Variants in RBM38 observed in about 807,000 individuals in gnomAD.
RBM38 encodes the protein RNA-binding protein 38.
RBM38 carries 11 observed loss-of-function variants against 23.5 expected under a neutral mutation model. The observed-to-expected ratio is 0.47, with a 90% CI of 0.29 to 0.77. RBM38 has a LOEUF of 0.77. RBM38 is among the 30% of genes least tolerant of loss of function. RBM38 has a pLI of 0.08. For missense variants in RBM38, 330 were observed against 351.9 expected (o/e 0.94, Z 0.50); for synonymous variants, 165 against 166.1 (o/e 0.99, Z 0.05).
intron 1 of RBM38, 69 bp from the exon 2 acceptor site, chr20:57,392,585 C>A (rs2067231244): frequency 7.2e-6 from 11 of 1,538,220 alleles, no homozygotes; most frequent in African/African-American, 2.8e-5. Flanking sequence ...GGTGCCAGGG[C>A]GGAGCCGTCT....
intron 3 of RBM38, chr20:57,400,072 G>A (rs2067312327): frequency 2.2e-6 from 1 of 446,242 alleles, no homozygotes; most frequent in Admixed American, 2.4e-5. Context: ...CTCAGACTCT[G>A]CCGGAGGCCC....
intron 3 of RBM38, among the ~76,000 whole-genome samples, chr20:57,400,659 G>T (rs574517133): frequency 6.6e-6 from 1 of 152,164 alleles, no homozygotes; most frequent in African/African-American, 2.4e-5. Context: ...ACCCATTCCT[G>T]TGGTTTCTTC....
intron 3 of RBM38, among the ~76,000 whole-genome samples, chr20:57,395,457 A>ACTT (rs2067264209): frequency 2.6e-5 from 4 of 152,124 alleles, no homozygotes; most frequent in African/African-American, 9.7e-5. Flanking sequence ...ACTTCAGGCG[A>ACTT]CGGTGTTTTG....
chr20:57,408,024 T>C lies in RBM38; in HGVS notation c.*178T>C, dbSNP rs2067406245. 2.9e-6 allele frequency: 2 copies of C among 695,814 alleles called. No homozygotes were observed. Among genetic ancestry groups the C allele is most frequent in the Admixed American group, 5.8e-5 (2 of 34,272 alleles). 43.1% of individuals were successfully genotyped at this position (695,814 alleles called of 1,614,324 possible). ...CCTGGGACAGCGGAGAGACGGCTTC[T>C]CTTTAATCTAGGTCCCATTGTGTCT... On this transcript the variant is annotated 3_prime_UTR_variant, in exon 4 of 4. Coordinates refer to ENST00000356208, the MANE Select transcript of RBM38 (RefSeq NM_017495.6).
chr20:57,400,994 C>T (rs946553238), intron 3 of RBM38, among the ~76,000 whole-genome samples: 58 of 152,328 alleles, frequency 3.8e-4, no homozygotes, highest in Middle Eastern at 6.8e-3. Flanking sequence ...TGCCGTGTGC[C>T]CAAAGAGGCC....
intron 2 of RBM38, 24 bp from the exon 3 acceptor site, chr20:57,393,255 T>A (rs375229492): frequency 6.2e-7 from 1 of 1,612,382 alleles, no homozygotes; most frequent in African/African-American, 1.3e-5. Flanking sequence ...CAAGGCCAAG[T>A]CCCTGATTGT....
intron 1 of RBM38, 175 bp from the exon 2 acceptor site, chr20:57,392,479 T>C: frequency 6.5e-7 from 1 of 1,534,306 alleles, no homozygotes; most frequent in Non-Finnish European, 8.7e-7. Context: ...GGCATCTTTG[T>C]GGGAGAGCCC....
intron 2 of RBM38, 157 bp downstream of exon 2, chr20:57,392,934 G>T (rs553936994): frequency 1.3e-4 from 127 of 1,008,374 alleles, no homozygotes; most frequent in Non-Finnish European, 1.7e-4. Context: ...CCCCCCTCGA[G>T]GATCTAGACC....
At chr20:57,393,498 G>C (rs570113960) in intron 3 of RBM38, among the ~76,000 whole-genome samples, 165 bp downstream of exon 3, 1 of 152,336 alleles carries the variant, frequency 6.6e-6, no homozygotes, top group South Asian at 2.1e-4. Flanking sequence ...CTCCATCCCT[G>C]GCAGAGGCCA....
Position 57,408,225 on chromosome 20 carries a change from T to A in RBM38, c.*379T>A. 1 of 360,104 alleles carries A rather than the reference T, an allele frequency of 2.8e-6. No individual in the cohort carries two copies. The highest frequency in any genetic ancestry group is 5.3e-6 in the Non-Finnish European group (1 of 187,890). The allele number at this position is 360,104 out of a possible 1,614,324, so 22.3% of individuals were successfully genotyped here. On this transcript the variant is annotated 3_prime_UTR_variant, in exon 4 of 4. Transcript: ENST00000356208. ...GGTGTCACAGACCCTCTGCAGCCCC[T>A]GGCTGCCCTGGACTGTGCAGAGATG...
intron 3 of RBM38, chr20:57,399,982 G>A (rs1400652396): frequency 2.2e-6 from 1 of 456,226 alleles, no homozygotes; most frequent in Non-Finnish European, 4.4e-6. Flanking sequence ...AGTTCTTTTC[G>A]CTGCGAGTTC....
intron 3 of RBM38, among the ~76,000 whole-genome samples, chr20:57,402,241 T>G (rs1226898511): frequency 6.6e-6 from 1 of 152,170 alleles, no homozygotes; most frequent in Non-Finnish European, 1.5e-5. Context: ...CTTGATGTTT[T>G]TAAGACAGCT....
intron 3 of RBM38, among the ~76,000 whole-genome samples, chr20:57,403,290 T>C (rs1304811819): frequency 6.6e-6 from 1 of 152,144 alleles, no homozygotes; most frequent in African/African-American, 2.4e-5. Flanking sequence ...TTGAAACCTG[T>C]TTGGTAACTC....
In RBM38 at chr20:57,408,314, C is replaced by T. The variant is rs774374478; in HGVS notation, c.*468C>T. 2.7e-5 allele frequency: 5 copies of T among 186,502 alleles called. No homozygotes were observed. Among genetic ancestry groups the T allele is most frequent in the African/African-American group, 6.9e-5 (3 of 43,238 alleles). 11.6% of individuals were successfully genotyped at this position (186,502 alleles called of 1,614,324 possible). ...ACTGTTTATTGTAACTTGATCCTCC[C>T]GAGCTGTGAGCGCAGTCTGAGGTGT... is the stretch of plus-strand genomic sequence containing the variant. On this transcript the variant is annotated 3_prime_UTR_variant, in exon 4 of 4. Coordinates refer to ENST00000356208, the MANE Select transcript of RBM38 (RefSeq NM_017495.6).
chr20:57,407,523 T>C lies in RBM38; in HGVS notation c.417-20T>C, dbSNP rs3764719. ...CCCCAACTCCGTTCTGGCCCTAACCTGCTCTGCTTGGCCCCACAGGCTGAC... is the reference window on the plus strand; with the variant it reads ...CCCCAACTCCGTTCTGGCCCTAACCCGCTCTGCTTGGCCCCACAGGCTGAC... On this transcript the variant is annotated intron_variant, in intron 3 of 3. Coordinates refer to ENST00000356208, the MANE Select transcript of RBM38 (RefSeq NM_017495.6). The surrounding 1 kb of genome is among the most constrained non-coding windows in gnomAD (Gnocchi z 4.0). 0.29 allele frequency: 474,075 copies of C among 1,609,408 alleles called. 85,668 individuals carry two copies. Among genetic ancestry groups the C allele is most frequent in the African/African-American group, 0.85 (63,612 of 74,878 alleles).
chr20:57,394,789 A>G (rs2067257664), intron 3 of RBM38, among the ~76,000 whole-genome samples: 1 of 152,152 alleles, frequency 6.6e-6, no homozygotes, highest in Admixed American at 6.5e-5. Context: ...CCCCAGGCCC[A>G]CAGCAGGCGC....
chr20:57,407,617 C>T lies in RBM38; in HGVS notation c.491C>T (p.Ser164Leu), dbSNP rs150246007. Residue 164 changes from serine to leucine, a missense_variant, in exon 4 of 4, where the codon TCG becomes TTG. This residue lies in a region of RBM38 where 227 missense variants were observed against 216.4 expected (regional missense o/e 1.05). Transcript: ENST00000356208. This position sits in a 1 kb window ranked among gnomAD's most constrained non-coding sequence, Gnocchi z 4.0. ...GTGATCCCAGCCGCCCCTGTCCCGT[C>T]GCTGTCCTCGCCCTACATTGAGTAC... Reference protein sequence around the residue: ...SVVIPAAPVPSLSSPYIEYTP... With the variant: ...SVVIPAAPVPLLSSPYIEYTP... The T allele has an allele frequency of 2.6e-4, 421 of 1,613,700 alleles. No homozygotes were observed. The African/African-American group carries it at 5.1e-3, about 20-fold the overall frequency.
chr20:57,392,428 C>T (rs1408608023), intron 1 of RBM38: 8 of 1,529,360 alleles, frequency 5.2e-6, no homozygotes, highest in Admixed American at 2.0e-5. Context: ...GGCCACATTT[C>T]CCAGGCCTTG....
At position 57,392,642 on chromosome 20, in the gene RBM38, C is replaced by G. The variant is rs772661043; in HGVS notation, c.238-12C>G. The G allele has an allele frequency of 5.0e-6, 8 of 1,609,196 alleles. 1 individual carries two copies. The South Asian group carries it at 5.5e-5, about 11-fold the overall frequency. On this transcript the variant is annotated splice_polypyrimidine_tract_variant and intron_variant, in intron 1 of 3. Transcript: ENST00000356208. ...CCCCACGGCAGCCCCTGATGTGTCTCTGCTCCACCAGGTGACCATGGCCGA... is the reference window on the plus strand; with the variant it reads ...CCCCACGGCAGCCCCTGATGTGTCTGTGCTCCACCAGGTGACCATGGCCGA...
Sources: allele counts gnomAD v4.1 joint callset (sites outside exome capture counted in the v4.1 genomes callset), GRCh38; gene constraint gnomAD v4.1.1; regional missense constraint gnomAD v4.1.1; non-coding constraint Gnocchi (gnomAD v3.1); transcripts MANE v1.5; gene names NCBI Gene and HGNC (gene_info 2026-07-23, HGNC 2026-07-21).